Variants in WBP2 observed in about 807,000 individuals in gnomAD.
The protein encoded by WBP2 is WW domain-binding protein 2.
WBP2 carries 23 observed loss-of-function variants against 33.0 expected under a neutral mutation model. The observed-to-expected ratio is 0.70, with a 90% CI of 0.50 to 0.99. The LOEUF (loss-of-function observed/expected upper bound fraction) is 0.99. WBP2 is among the 50% of genes least tolerant of loss of function. The pLI is 0.00. For synonymous variants in WBP2, 153 were observed against 133.5 expected (o/e 1.15, Z -1.01); for missense variants, 353 against 358.0 (o/e 0.99, Z 0.11).
At chr17:75,852,351 A>G (rs2065032657) in intron 1 of WBP2, 3 of 152,334 alleles carry the variant, frequency 2.0e-5, no homozygotes, top group South Asian at 2.1e-4. Context: ...CCCCGCTTAT[A>G]AAGCCCCCAA....
rs752596811 is a variant in WBP2, at chr17:75,855,308, A to G, written c.-11T>C. ...CTTGTTGAGCGCCATAGTCTCTCCA[A>G]CAGGGGTCCCGAGACTCAAAACGCA... On this transcript the variant is annotated 5_prime_UTR_variant, in exon 1 of 8. Coordinates refer to ENST00000254806, the MANE Select transcript of WBP2 (RefSeq NM_012478.4). 2.5e-6 allele frequency: 4 copies of G among 1,611,248 alleles called. No homozygotes were observed. In the South Asian group the frequency reaches 4.4e-5, roughly 18 times the overall value.
intron 1 of WBP2, 51 bp downstream of exon 1, chr17:75,855,188 T>A (rs370225686): frequency 1.9e-6 from 2 of 1,077,754 alleles, no homozygotes; most frequent in African/African-American, 2.3e-5. Context: ...ACCGCCCACT[T>A]CCTCGACACC....
intron 1 of WBP2, among the ~76,000 whole-genome samples, chr17:75,854,534 CAA>C (rs1199283400): frequency 6.6e-6 from 1 of 152,176 alleles, no homozygotes; most frequent in Non-Finnish European, 1.5e-5. Context: ...AACAGGCATT[CAA>C]GAGAGAGGCA....
chr17:75,855,381 TAG>T, upstream of WBP2: 3 of 1,516,018 alleles, frequency 2.0e-6, no homozygotes, highest in Non-Finnish European at 2.7e-6. Context: ...GTCTTCTTAT[TAG>T]AGTCAGCCAA....
intron 4 of WBP2, 92 bp downstream of exon 4, chr17:75,848,478 C>T (rs776633891): frequency 3.9e-5 from 50 of 1,278,700 alleles, no homozygotes; most frequent in South Asian, 2.9e-4. Flanking sequence ...CTCTTGAGTT[C>T]TTGAAAAAGC....
intron 4 of WBP2, 68 bp from the exon 5 acceptor site, chr17:75,847,998 G>C: frequency 6.5e-7 from 1 of 1,539,744 alleles, no homozygotes; most frequent in Non-Finnish European, 8.8e-7. Flanking sequence ...CAGCCCCGCT[G>C]CCTGCAGATG....
chr17:75,848,869 G>C lies in WBP2; in HGVS notation c.305-207C>G, dbSNP rs2143921547. On this transcript the variant is annotated intron_variant, in intron 3 of 7. Coordinates refer to ENST00000254806, the MANE Select transcript of WBP2 (RefSeq NM_012478.4). Reference sequence around the variant, plus strand: ...CACTGCAGCCTGGCCTGGCCCTGCTGTACTCGCTTCCCCCTTTGGAACAAT... The same window carrying C: ...CACTGCAGCCTGGCCTGGCCCTGCTCTACTCGCTTCCCCCTTTGGAACAAT... The C allele has an allele frequency of 8.4e-6, 5 of 595,782 alleles. No homozygotes were observed. In the East Asian group the frequency reaches 1.4e-4, roughly 17 times the overall value. 36.9% of individuals were successfully genotyped at this position (595,782 alleles called of 1,614,324 possible).
chr17:75,852,896 G>A, intron 1 of WBP2: 1 of 688,048 alleles, frequency 1.5e-6, no homozygotes, highest in African/African-American at 1.9e-5. Context: ...TTAAACCTGG[G>A]TTCTTAAGCG....
At chr17:75,854,043 TAAAAAAAAAAAAAAA>T (rs55857053) in intron 1 of WBP2, among the ~76,000 whole-genome samples, 20 of 55,456 alleles carry the variant, frequency 3.6e-4, no homozygotes, top group African/African-American at 1.3e-3. Flanking sequence ...AGCCTCCATC[TAAAAAAAAAAAAAAA>T]AAAAAAAAAA....
chr17:75,855,369 G>T, upstream of WBP2: 1 of 1,567,608 alleles, frequency 6.4e-7, no homozygotes, highest in Non-Finnish European at 8.7e-7. Flanking sequence ...GCCCCTAGTG[G>T]CGTCTTCTTA....
At chr17:75,850,005 G>A (rs2065017966) in intron 2 of WBP2, among the ~76,000 whole-genome samples, 1 of 152,200 alleles carries the variant, frequency 6.6e-6, no homozygotes. Flanking sequence ...CTTTGTCACT[G>A]ACGTGGTGGG....
intron 4 of WBP2, chr17:75,848,311 A>G (rs1163712557): frequency 1.7e-6 from 1 of 591,610 alleles, no homozygotes; most frequent in Non-Finnish European, 3.0e-6. Context: ...ATGAGGCCAT[A>G]GTAAAGTGTC....
intron 3 of WBP2, chr17:75,848,976 T>C (rs559735824): frequency 6.3e-4 from 248 of 392,664 alleles, no homozygotes; most frequent in Non-Finnish European, 1.0e-3. Flanking sequence ...TCAAGGTTTC[T>C]CTCCGCCCCC....
At chr17:75,855,740 G>T (rs866795078), upstream of WBP2, among the ~76,000 whole-genome samples, 1 of 152,270 alleles carries the variant, frequency 6.6e-6, no homozygotes, top group Non-Finnish European at 1.5e-5. Flanking sequence ...AAGTCCTGCT[G>T]GTCGAATGCG....
chr17:75,850,228 GTTTTATT>G (rs1406541242), intron 2 of WBP2, among the ~76,000 whole-genome samples: 4 of 147,972 alleles, frequency 2.7e-5, no homozygotes, highest in South Asian at 4.3e-4. Flanking sequence ...AAACCCTTGG[GTTTTATT>G]TTTTCTTTTC....
chr17:75,854,273 C>G (rs935862523), intron 1 of WBP2, among the ~76,000 whole-genome samples: 23 of 152,124 alleles, frequency 1.5e-4, no homozygotes, highest in Admixed American at 6.6e-4. Flanking sequence ...TCCACGATGT[C>G]TCCTTTGGGG....
chr17:75,853,640 T>C (rs1160949614), intron 1 of WBP2, among the ~76,000 whole-genome samples: 1 of 152,050 alleles, frequency 6.6e-6, no homozygotes, highest in Non-Finnish European at 1.5e-5. Context: ...GTGTGAGGTG[T>C]CTCTGATTAC....
In WBP2 at chr17:75,847,591, G is replaced by T; in HGVS notation, c.551C>A (p.Pro184His). Residue 184 changes from proline to histidine, a missense_variant, in exon 6 of 8, where the codon CCC (proline) becomes CAC (histidine). Pro to His is a moderately conservative substitution (Grantham distance 77). Transcript: ENST00000254806. ...PPPPEFYPGP[P>H]MMDGAMGYVQ... ...GTATCCCATGGCCCCGTCCATCATG[G>T]GGGGTCCTGGATAGAACTCTGCTCG... 13 of 1,612,592 alleles carry T rather than the reference G, an allele frequency of 8.1e-6. No homozygotes were observed. Among genetic ancestry groups the T allele is most frequent in the Non-Finnish European group, 1.1e-5 (13 of 1,179,390 alleles).
chr17:75,848,417 G>A (rs2065008369), intron 4 of WBP2, 153 bp downstream of exon 4: 2 of 696,858 alleles, frequency 2.9e-6, no homozygotes, highest in Non-Finnish European at 5.0e-6. Flanking sequence ...GCCAATGACA[G>A]CTTTCCTTCC....
Sources: allele counts gnomAD v4.1 joint callset (sites outside exome capture counted in the v4.1 genomes callset), GRCh38; gene constraint gnomAD v4.1.1; transcripts MANE v1.5; gene names NCBI Gene and HGNC (gene_info 2026-07-23, HGNC 2026-07-21).